The following TRMT44 variants were observed in gnomAD, a reference collection of about 807,000 sequenced individuals.
TRMT44 encodes probable tRNA (uracil-O(2)-)-methyltransferase.
In TRMT44, 78 loss-of-function variants were observed where a neutral mutation model predicts 77.3. The ratio of observed to expected loss-of-function variants is 1.01; its 90% CI spans 0.84 to 1.22. The LOEUF is 1.22. TRMT44 is among the 50% of genes most tolerant of loss of function. The probability of loss-of-function intolerance (pLI) is 0.00; values close to 1 mark genes in which losing one functional copy is unlikely to be tolerated. For missense variants in TRMT44, 1,090 were observed against 964.4 expected (o/e 1.13, Z -1.73); for synonymous variants, 391 against 383.3 (o/e 1.02, Z -0.23).
chr4:8,514,526 C>G, the TRMT44 span, among the ~76,000 whole-genome samples: 2 of 152,108 alleles, frequency 1.3e-5, no homozygotes, highest in African/African-American at 4.8e-5. Context: ...ATCCGCCCGC[C>G]TCAGCCTCCC....
At position 8,449,773 on chromosome 4, in the gene TRMT44, A is replaced by G. The variant is rs575452079; in HGVS notation, c.839A>G (p.Lys280Arg). ...LGEELLAKLA[K>R]WSVENKKSDF... ...GAAGAGTTGCTGGCCAAGTTGGCCAAGTGGTCTGTAGAGAACAAGAAGAGT... is the reference window on the plus strand; with the variant it reads ...GAAGAGTTGCTGGCCAAGTTGGCCAGGTGGTCTGTAGAGAACAAGAAGAGT... The change falls in exon 3 of 11, where the codon AAG (lysine) becomes AGG (arginine). Residue 280 changes from lysine to arginine, a missense_variant. Physicochemically the swap from Lys to Arg is conservative, Grantham distance 26. Transcript: ENST00000389737. The G allele has an allele frequency of 4.0e-5, 62 of 1,536,042 alleles. No individual in the cohort carries two copies. Among genetic ancestry groups the G allele is most frequent in the African/African-American group, 8.2e-5 (6 of 73,122 alleles).
intron 9 of TRMT44, among the ~76,000 whole-genome samples, chr4:8,470,168 C>G (rs1726885516): frequency 6.6e-6 from 1 of 152,220 alleles, no homozygotes; most frequent in Non-Finnish European, 1.5e-5. Context: ...TAAAACACTC[C>G]CGCTCCTCTC....
At chr4:8,456,789 A>T (rs1384377525) in intron 6 of TRMT44, among the ~76,000 whole-genome samples, 3 of 152,232 alleles carry the variant, frequency 2.0e-5, no homozygotes, top group African/African-American at 4.8e-5. Context: ...AGATGATTTG[A>T]TAGTTTTAGA....
downstream of TRMT44, chr4:8,477,469 G>T (rs1251620277): frequency 1.3e-5 from 2 of 152,432 alleles, no homozygotes; most frequent in African/African-American, 2.4e-5. Flanking sequence ...GCTCTGACTA[G>T]TGAGGCACAA....
the TRMT44 span, chr4:8,509,221 G>GGGGA: frequency 1.3e-5 from 2 of 152,084 alleles, no homozygotes; most frequent in Non-Finnish European, 1.5e-5. Context: ...AAAAGGGAGT[G>GGGGA]GGGTGGGAGG....
downstream of TRMT44, among the ~76,000 whole-genome samples, chr4:8,497,204 C>T (rs1346189675): frequency 6.6e-6 from 1 of 151,908 alleles, no homozygotes; most frequent in Admixed American, 6.6e-5. Flanking sequence ...ACTGTTACTC[C>T]TTTCCTTAGT....
At chr4:8,447,026 C>G (rs764406497) in intron 2 of TRMT44, among the ~76,000 whole-genome samples, 2 of 152,190 alleles carry the variant, frequency 1.3e-5, no homozygotes, top group Non-Finnish European at 2.9e-5. Context: ...CAGGCACCCA[C>G]CACCACACCC....
At chr4:8,458,530 C>G (rs888456120) in intron 6 of TRMT44, among the ~76,000 whole-genome samples, 5 of 141,262 alleles carry the variant, frequency 3.5e-5, no homozygotes, top group Middle Eastern at 3.8e-3. Flanking sequence ...GTGGTGTGAT[C>G]TAGGTTCACT....
intron 2 of TRMT44, among the ~76,000 whole-genome samples, chr4:8,484,970 T>A (rs1486950014): frequency 6.6e-6 from 1 of 152,178 alleles, no homozygotes; most frequent in Non-Finnish European, 1.5e-5. Flanking sequence ...ATACCCGATA[T>A]CCTTTGGAGA....
chr4:8,464,728 C>T (rs866434000), intron 7 of TRMT44, among the ~76,000 whole-genome samples: 4 of 152,186 alleles, frequency 2.6e-5, no homozygotes, highest in Admixed American at 6.5e-5. Context: ...CAAGAAGTTT[C>T]AGATGACCCT....
chr4:8,456,012 T>C lies in TRMT44; in HGVS notation c.1203+1199T>C, dbSNP rs3107679. On this transcript the variant is annotated intron_variant, in intron 6 of 10. Transcript: ENST00000389737. ...TAGTCTATTTTACCATTTACAACCA[T>C]GAAATACATACAAATCTATTATAAG... Among the ~76,000 whole-genome samples the C allele has an allele frequency of 8.4e-3, 1,284 of 152,294 alleles. 22 individuals carry two copies. The highest frequency in any genetic ancestry group is 0.028 in the African/African-American group (1,184 of 41,552).
chr4:8,475,709 G>C, intron 10 of TRMT44, 63 bp from the exon 11 acceptor site: 3 of 1,517,892 alleles, frequency 2.0e-6, no homozygotes, highest in Non-Finnish European at 2.7e-6. Context: ...CTAAAGAGAG[G>C]CTGGTGAATT....
At chr4:8,504,542 T>C in the TRMT44 span, among the ~76,000 whole-genome samples, 1 of 151,994 alleles carries the variant, frequency 6.6e-6, no homozygotes, top group African/African-American at 2.4e-5. This position sits in a 1 kb window ranked among gnomAD's most constrained non-coding sequence, Gnocchi z 5.3. Context: ...TGTGGACCTG[T>C]GCCGAGTCTG....
intron 10 of TRMT44, among the ~76,000 whole-genome samples, chr4:8,472,787 C>T (rs1727105185): frequency 7.1e-6 from 1 of 141,710 alleles, no homozygotes; most frequent in African/African-American, 2.9e-5. Context: ...CTGGGCTGGG[C>T]CTGCTGGCTG....
At chr4:8,501,830 C>T in the TRMT44 span, among the ~76,000 whole-genome samples, 1 of 152,262 alleles carries the variant, frequency 6.6e-6, no homozygotes, top group South Asian at 2.1e-4. The surrounding 1 kb of genome is among the most constrained non-coding windows in gnomAD (Gnocchi z 4.4). Context: ...TTTCTGGGCC[C>T]CAGCCTCTCC....
chr4:8,454,447 G>A lies in TRMT44; in HGVS notation c.1132-295G>A, dbSNP rs546365355. 4 of 368,300 alleles carry A rather than the reference G, an allele frequency of 1.1e-5. No individual in the cohort carries two copies. The South Asian group carries it at 2.9e-4, about 27-fold the overall frequency. 22.8% of individuals were successfully genotyped at this position (368,300 alleles called of 1,614,324 possible). ...TTAGAGGCGTAGGCAAATATGTGCA[G>A]GCCATCAGTACAGTACTGTGCAGTA... On this transcript the variant is annotated intron_variant, in intron 5 of 10. Transcript: ENST00000389737.
Position 8,449,736 on chromosome 4 carries a change from A to G in TRMT44, c.802A>G (p.Thr268Ala), listed in dbSNP as rs756727228. 13 of 1,535,984 alleles carry G rather than the reference A, an allele frequency of 8.5e-6. No individual in the cohort carries two copies. In the South Asian group the frequency reaches 1.5e-4, roughly 18 times the overall value. ...HSDGIVYPKP[T>A]WLGEELLAKL... ...AGATGGAATCGTGTATCCCAAACCC[A>G]CGTGGCTTGGAGAAGAGTTGCTGGC... Residue 268 changes from threonine to alanine, a missense_variant, in exon 3 of 11, where the codon ACG (threonine) becomes GCG (alanine). Coordinates refer to ENST00000389737, the MANE Select transcript of TRMT44 (RefSeq NM_152544.3).
At chr4:8,455,685 C>T (rs1374710034) in intron 6 of TRMT44, among the ~76,000 whole-genome samples, 1 of 152,168 alleles carries the variant, frequency 6.6e-6, no homozygotes, top group African/African-American at 2.4e-5. Flanking sequence ...ATTTAACATC[C>T]CATTCTAGGC....
At chr4:8,505,721 C>T in the TRMT44 span, among the ~76,000 whole-genome samples, 1 of 152,194 alleles carries the variant, frequency 6.6e-6, no homozygotes, top group Non-Finnish European at 1.5e-5. Context: ...GGCTCTGTGT[C>T]CCCACCCAAA....
Sources: gnomAD v4.1 joint callset for allele counts (sites outside exome capture counted in the v4.1 genomes callset) on GRCh38, gnomAD v4.1.1 for gene constraint, Gnocchi (gnomAD v3.1) non-coding constraint, MANE v1.5 for transcripts, NCBI Gene and HGNC (gene_info 2026-07-23, HGNC 2026-07-21) for gene names.